Variants in SUFU observed in about 807,000 individuals in gnomAD.
SUFU encodes the protein SUFU negative regulator of hedgehog signaling.
A neutral mutation model predicts 58.9 loss-of-function variants in SUFU; 7 were observed. The observed-to-expected ratio is 0.12, with a 90% confidence interval of 0.07 to 0.22. SUFU has a LOEUF of 0.22. SUFU is among the 10% of genes least tolerant of loss of function. The probability of loss-of-function intolerance (pLI) is 1.00; values close to 1 mark genes in which losing one functional copy is unlikely to be tolerated. For synonymous variants in SUFU, 232 were observed against 254.8 expected, an observed-to-expected ratio of 0.91 and a Z score of 0.85; for missense variants, 451 against 641.3, an observed-to-expected ratio of 0.70 and a Z score of 3.20.
chr10:102,527,783 T>G (rs1453965459), intron 2 of SUFU, among the ~76,000 whole-genome samples: 6 of 152,198 alleles, frequency 3.9e-5, no homozygotes, highest in African/African-American at 1.4e-4. Flanking sequence ...TTCTTCCCAT[T>G]GCCCTGTTTA....
chr10:102,607,854 T>C (rs2063578143), intron 8 of SUFU, among the ~76,000 whole-genome samples: 1 of 151,050 alleles, frequency 6.6e-6, no homozygotes, highest in Non-Finnish European at 1.5e-5. Context: ...GAGGTTGCAG[T>C]GAGCCGAGAT....
intron 1 of SUFU, among the ~76,000 whole-genome samples, chr10:102,508,190 T>C (rs758914174): frequency 6.6e-6 from 1 of 152,094 alleles, no homozygotes; most frequent in Non-Finnish European, 1.5e-5. Context: ...GCCAGGCTGG[T>C]CTCAAACTCC....
At chr10:102,546,134 G>A (rs1034189808) in intron 2 of SUFU, among the ~76,000 whole-genome samples, 5 of 152,214 alleles carry the variant, frequency 3.3e-5, no homozygotes, top group African/African-American at 4.8e-5. Context: ...TTCAAGGCAT[G>A]TGTTCTTGTC....
intron 2 of SUFU, among the ~76,000 whole-genome samples, chr10:102,516,115 T>G (rs2062465471): frequency 9.6e-6 from 1 of 104,410 alleles, no homozygotes; most frequent in African/African-American, 3.5e-5. Context: ...TCTTTTTCTT[T>G]CTTTCTTTTC....
intron 1 of SUFU, among the ~76,000 whole-genome samples, chr10:102,507,788 A>G (rs1170523767): frequency 6.6e-6 from 1 of 152,180 alleles, no homozygotes; most frequent in Non-Finnish European, 1.5e-5. Context: ...ATGCTATCCC[A>G]GTTGCAAAGT....
At chr10:102,513,410 T>C (rs2062425581) in intron 2 of SUFU, among the ~76,000 whole-genome samples, 1 of 152,230 alleles carries the variant, frequency 6.6e-6, no homozygotes, top group Non-Finnish European at 1.5e-5. Flanking sequence ...GATTCATTTT[T>C]TCAGCACACA....
intron 2 of SUFU, among the ~76,000 whole-genome samples, chr10:102,522,884 T>A (rs1472308631): frequency 6.6e-6 from 1 of 152,224 alleles, no homozygotes; most frequent in African/African-American, 2.4e-5. Flanking sequence ...CTCATTGGGC[T>A]GAAGGGTCCT....
chr10:102,543,881 GAC>G (rs1211284940), intron 2 of SUFU, among the ~76,000 whole-genome samples: 2 of 152,174 alleles, frequency 1.3e-5, no homozygotes, highest in Non-Finnish European at 1.5e-5. Context: ...TGAGGAAACT[GAC>G]ACACAGAAGA....
At chr10:102,621,921 G>T (rs1185381970) in intron 10 of SUFU, among the ~76,000 whole-genome samples, 1 of 152,262 alleles carries the variant, frequency 6.6e-6, no homozygotes, top group Non-Finnish European at 1.5e-5. Context: ...CTGGGCCCCT[G>T]CCTGCAGTGC....
intron 3 of SUFU, among the ~76,000 whole-genome samples, chr10:102,574,540 G>A (rs2063194200): frequency 1.3e-5 from 2 of 152,118 alleles, no homozygotes. Context: ...TTGAGCCCAG[G>A]AATTTGAGCC....
At chr10:102,571,088 A>G (rs750664187) in intron 3 of SUFU, among the ~76,000 whole-genome samples, 1 of 152,212 alleles carries the variant, frequency 6.6e-6, no homozygotes, top group Non-Finnish European at 1.5e-5. Flanking sequence ...CTTCAAGGTT[A>G]CACAGTAAGA....
At chr10:102,536,931 C>T (rs2062746410) in intron 2 of SUFU, among the ~76,000 whole-genome samples, 1 of 151,824 alleles carries the variant, frequency 6.6e-6, no homozygotes, top group Non-Finnish European at 1.5e-5. Context: ...CTGCCTCAGC[C>T]TCCCGAATAG....
intron 7 of SUFU, 97 bp from the exon 8 acceptor site, chr10:102,599,335 GT>G: frequency 1.1e-6 from 1 of 940,876 alleles, no homozygotes; most frequent in East Asian, 2.4e-5. Flanking sequence ...CAGCGTGGTA[GT>G]TTTTCTTAGC....
chr10:102,519,543 A>AAAT (rs1396607401), intron 2 of SUFU, among the ~76,000 whole-genome samples: 1 of 151,074 alleles, frequency 6.6e-6, no homozygotes, highest in African/African-American at 2.4e-5. Context: ...AAAAAAAAAA[A>AAAT]AGTCTTCTGC....
chr10:102,612,216 C>G (rs1438154927), intron 8 of SUFU, among the ~76,000 whole-genome samples: 1 of 109,102 alleles, frequency 9.2e-6, no homozygotes. Context: ...TGTGCACGCG[C>G]ATGTGTGTGT....
At chr10:102,622,240 A>G (rs902653880) in intron 10 of SUFU, among the ~76,000 whole-genome samples, 3 of 151,942 alleles carry the variant, frequency 2.0e-5, no homozygotes, top group African/African-American at 7.3e-5. Context: ...CTGTGCCCAA[A>G]CCCCCTTTCC....
At chr10:102,605,833 C>G (rs576131014) in intron 8 of SUFU, among the ~76,000 whole-genome samples, 3 of 152,312 alleles carry the variant, frequency 2.0e-5, no homozygotes, top group East Asian at 3.9e-4. Flanking sequence ...CAGGCCAAAT[C>G]CACTTCACTT....
chr10:102,504,412 G>C, intron 1 of SUFU, 78 bp downstream of exon 1: 7 of 1,579,846 alleles, frequency 4.4e-6, no homozygotes, highest in Non-Finnish European at 6.0e-6. Flanking sequence ...TAATTTGTGG[G>C]AGGTGGGAGG....
intron 2 of SUFU, among the ~76,000 whole-genome samples, chr10:102,516,305 C>A (rs547121590): frequency 6.6e-6 from 1 of 151,858 alleles, no homozygotes; most frequent in African/African-American, 2.4e-5. Context: ...GACTCCTGAC[C>A]TCAAGTGATC....
Sources: allele counts gnomAD v4.1 joint callset (sites outside exome capture counted in the v4.1 genomes callset), GRCh38; gene constraint gnomAD v4.1.1; transcripts MANE v1.5; gene names NCBI Gene and HGNC (gene_info 2026-07-23, HGNC 2026-07-21).